The following PTCH1 variants were observed in gnomAD, a reference collection of about 807,000 sequenced individuals.
PTCH1 encodes the protein protein patched homolog 1.
In PTCH1, 14 loss-of-function variants were observed where a neutral mutation model predicts 144.6. The ratio of observed to expected loss-of-function variants is 0.10; its 90% CI spans 0.06 to 0.15. PTCH1 has a LOEUF of 0.15. Ranked by LOEUF, PTCH1 falls within the 10% of genes least tolerant of loss-of-function variation. PTCH1 has a pLI of 1.00. For synonymous variants in PTCH1, 833 were observed against 793.6 expected (o/e 1.05, Z -0.83); for missense variants, 1,623 against 1,948.3 (o/e 0.83, Z 3.14).
chr9:95,503,132 T>C (rs1478119981), intron 2 of PTCH1, among the ~76,000 whole-genome samples: 2 of 152,224 alleles, frequency 1.3e-5, no homozygotes, highest in African/African-American at 4.8e-5. Context: ...TTCGTTTGTG[T>C]AGCAAGCACT....
At position 95,445,361 on chromosome 9, in the gene PTCH1, T is replaced by G. The variant is rs987421488; in HGVS notation, c.*1032A>C. On this transcript the variant is annotated 3_prime_UTR_variant, in exon 24 of 24. Transcript: ENST00000331920. ...GAGGGGCACCATGCTGCATGCTTTT[T>G]AGAGTATACAGACTCTCATGGCCCA... The G allele has an allele frequency of 6.6e-6, 1 of 152,316 alleles. No homozygotes were observed. Among genetic ancestry groups the G allele is most frequent in the South Asian group, 2.1e-4 (1 of 4,818 alleles). 9.4% of individuals were successfully genotyped at this position (152,316 alleles called of 1,614,324 possible).
At chr9:95,493,876 C>T (rs1004921823) in intron 2 of PTCH1, among the ~76,000 whole-genome samples, 2 of 152,152 alleles carry the variant, frequency 1.3e-5, no homozygotes, top group Non-Finnish European at 2.9e-5. Flanking sequence ...TCCTCTCCCA[C>T]CCATCTCTTT....
chr9:95,502,387 T>C (rs1843207272), intron 2 of PTCH1, among the ~76,000 whole-genome samples: 1 of 152,224 alleles, frequency 6.6e-6, no homozygotes, highest in South Asian at 2.1e-4. Context: ...CTTTCTGCAA[T>C]GGTGGTGCAG....
Position 95,446,981 on chromosome 9 carries a change from C to G in PTCH1, c.4275G>C (p.Ser1425=). 6.2e-7 allele frequency: 1 copy of G among 1,614,220 alleles called. No homozygotes were observed. The highest frequency in any genetic ancestry group is 1.1e-5 in the South Asian group (1 of 91,088). ...CCTGCAGCTCAATGACTTCCACCTT[C>G]GAATCCCTCCTCTCACACCGGACGT... is the stretch of plus-strand genomic sequence containing the variant. ...PFHVRCERRD[S]KVEVIELQDV... Residue 1425 remains serine (S), a synonymous_variant, in exon 23 of 24, where the codon TCG becomes TCC. Transcript: ENST00000331920.
chr9:95,447,233 AGGGCCCCAGC>A lies in PTCH1; in HGVS notation c.4013_4022del (p.Arg1338LeufsTer31), dbSNP rs1838016094. 1.2e-6 allele frequency: 2 copies of A among 1,611,404 alleles called. No individual in the cohort carries two copies. The highest frequency in any genetic ancestry group is 1.7e-5 in the Admixed American group (1 of 60,006). The stretch of plus-strand genomic sequence containing the variant: ...GAGGGTTGTGAGAACGGGCCCCGCG[AGGGCCCCAGC>A]GGGCCCTATTGCTAGGGCCAGAATG... On this transcript the variant is annotated frameshift_variant, in exon 23 of 24. Coordinates refer to ENST00000331920, the MANE Select transcript of PTCH1 (RefSeq NM_000264.5). LOFTEE classifies it high-confidence loss of function.
At chr9:95,468,070 T>C (rs887643274) in intron 14 of PTCH1, among the ~76,000 whole-genome samples, 3 of 152,002 alleles carry the variant, frequency 2.0e-5, no homozygotes, top group Non-Finnish European at 2.9e-5. Context: ...CCATGCCTTT[T>C]TTCCCCCTCT....
At chr9:95,474,750 T>C (rs980108375) in intron 12 of PTCH1, among the ~76,000 whole-genome samples, 1 of 151,986 alleles carries the variant, frequency 6.6e-6, no homozygotes, top group Non-Finnish European at 1.5e-5. Flanking sequence ...ACATGACAAA[T>C]GGAAAGACTA....
intron 1 of PTCH1, among the ~76,000 whole-genome samples, chr9:95,515,082 C>T (rs1587709440): frequency 6.9e-6 from 1 of 145,072 alleles, no homozygotes; most frequent in East Asian, 2.0e-4. Flanking sequence ...ACAATTTATC[C>T]GGAGTACCAC....
At chr9:95,447,900 T>C (rs182278931) in intron 22 of PTCH1, among the ~76,000 whole-genome samples, 4 of 152,330 alleles carry the variant, frequency 2.6e-5, no homozygotes, top group Admixed American at 1.3e-4. Context: ...TCCAGACATG[T>C]GGTTGCTTAA....
At position 95,505,742 on chromosome 9, in the gene PTCH1, CCTTA is replaced by C. The variant is rs1466834060; in HGVS notation, c.394+661_394+664del. Among the ~76,000 whole-genome samples the C allele has an allele frequency of 7.9e-5, 12 of 151,710 alleles. 1 individual carries two copies. In the East Asian group the frequency reaches 1.4e-3, roughly 17 times the overall value. ...TTGCAAACATGCGTTCCAGTCTGTGCCTTACTATTTTTTTTTCCACTCCTTCCAC... is the reference window on the plus strand; with the variant it reads ...TTGCAAACATGCGTTCCAGTCTGTGCCTATTTTTTTTTCCACTCCTTCCAC... On this transcript the variant is annotated intron_variant, in intron 2 of 23. Transcript: ENST00000331920.
chr9:95,449,407 AGGGGCCTCTGTTCCCTGCCCT>A lies in PTCH1; in HGVS notation c.3550-105_3550-85del. 1.3e-6 allele frequency: 2 copies of A among 1,525,160 alleles called. No homozygotes were observed. The highest frequency in any genetic ancestry group is 1.8e-6 in the Non-Finnish European group (2 of 1,136,356). 94.5% of individuals were successfully genotyped at this position (1,525,160 alleles called of 1,614,324 possible). ...CAAAGCTCAAAGCACGGTATTTTTC[AGGGGCCTCTGTTCCCTGCCCT>A]GGGGCCCTGCGCACTGTGCCGTATT... is the stretch of plus-strand genomic sequence containing the variant. On this transcript the variant is annotated intron_variant, in intron 21 of 23. Transcript: ENST00000331920. This position sits in a 1 kb window ranked among gnomAD's most constrained non-coding sequence, Gnocchi z 5.3.
Position 95,508,597 on chromosome 9 carries a change from C to T in PTCH1, c.-236G>A, listed in dbSNP as rs1375953283. On this transcript the variant is annotated 5_prime_UTR_variant, in exon 1 of 24. Coordinates refer to ENST00000331920, the MANE Select transcript of PTCH1 (RefSeq NM_000264.5). ...GCTGCCGGGGAGTCAGACCCTGCGC[C>T]TTCCATTGCCACATTGCGCGGGGGT... 1.4e-5 allele frequency: 14 copies of T among 996,708 alleles called. No individual in the cohort carries two copies. The highest frequency in any genetic ancestry group is 1.4e-5 in the Non-Finnish European group (12 of 837,878). The allele number at this position is 996,708 out of a possible 1,614,324, so 61.7% of individuals were successfully genotyped here.
chr9:95,509,378 C>T (rs2118921018), upstream of PTCH1, among the ~76,000 whole-genome samples: 1 of 152,288 alleles, frequency 6.6e-6, no homozygotes, highest in South Asian at 2.1e-4. Flanking sequence ...AGAAATTACT[C>T]AGCAAACATG....
chr9:95,448,493 C>G (rs902921348), intron 22 of PTCH1, among the ~76,000 whole-genome samples: 3 of 152,208 alleles, frequency 2.0e-5, no homozygotes, highest in African/African-American at 7.2e-5. Context: ...TCCTGAATCA[C>G]TGAAGGCTAA....
At position 95,485,743 on chromosome 9, in the gene PTCH1, G is replaced by A. The variant is rs2066834; in HGVS notation, c.526C>T (p.Leu176=). 9.3e-6 allele frequency: 15 copies of A among 1,614,070 alleles called. No individual in the cohort carries two copies. Among genetic ancestry groups the A allele is most frequent in the South Asian group, 4.4e-5 (4 of 91,076 alleles). ...GANVLTTEAL[L]QHLDSALQAS... is the part of the protein sequence containing the mutation. ...TGGAGTGCCGAGTCCAGGTGTTGTA[G>A]GAGCGCTTCTGTGGTCAGGACATTA... is the stretch of plus-strand genomic sequence containing the variant. Residue 176 remains leucine, a synonymous_variant, in exon 3 of 24, where the codon CTA becomes TTA. Transcript: ENST00000331920.
At position 95,506,572 on chromosome 9, in the gene PTCH1, G is replaced by C. The variant is rs1843665659; in HGVS notation, c.229C>G (p.Leu77Val). Residue 77 changes from leucine to valine, a missense_variant, in exon 2 of 24, where the codon CTG (leucine) becomes GTG (valine). Physicochemically the swap from Leu to Val is conservative, Grantham distance 32 (BLOSUM62 1). Transcript: ENST00000331920. ...KGKATGRKAP[L>V]WLRAKFQRLL... ...CTCTGAAACTTCGCTCTCAGCCACA[G>C]CGGCGCTTTCCGGCCAGTAGCCTTC... 3.1e-6 allele frequency: 5 copies of C among 1,612,764 alleles called. No homozygotes were observed. The highest frequency in any genetic ancestry group is 4.2e-6 in the Non-Finnish European group (5 of 1,179,418).
At chr9:95,475,894 G>GT in intron 12 of PTCH1, 140 bp downstream of exon 12, 5 of 1,366,488 alleles carry the variant, frequency 3.7e-6, no homozygotes, top group Non-Finnish European at 4.1e-6. Context: ...CATCCACCCA[G>GT]TTAAACAGAG....
chr9:95,488,140 G>C (rs1842111407), intron 2 of PTCH1, among the ~76,000 whole-genome samples: 1 of 152,174 alleles, frequency 6.6e-6, no homozygotes, highest in Admixed American at 6.5e-5. Context: ...GGGTGTTTCA[G>C]AAATGGCATT....
chr9:95,482,826 C>T (rs952134073), intron 3 of PTCH1: 4 of 156,018 alleles, frequency 2.6e-5, no homozygotes, highest in Admixed American at 1.3e-4. Context: ...AATCCCAGCA[C>T]TTTGGGAGGT....
Sources: gnomAD v4.1 joint callset for allele counts (sites outside exome capture counted in the v4.1 genomes callset) on GRCh38, gnomAD v4.1.1 for gene constraint, Gnocchi (gnomAD v3.1) non-coding constraint, MANE v1.5 for transcripts, NCBI Gene and HGNC (gene_info 2026-07-23, HGNC 2026-07-21) for gene names.